Variants in XKR9 observed in about 807,000 individuals in gnomAD.
XKR9 encodes the protein XK-related protein 9.
XKR9 carries 32 observed loss-of-function variants against 32.0 expected under a neutral mutation model. The observed-to-expected ratio is 1.00, with a 90% confidence interval of 0.76 to 1.34. XKR9 has a LOEUF of 1.34. Among genes scored for constraint, XKR9 ranks in the 40% most tolerant of loss-of-function variants. The pLI, the probability that XKR9 is intolerant of heterozygous loss-of-function variation, is 0.00. For synonymous variants in XKR9, 168 were observed against 143.4 expected, an observed-to-expected ratio of 1.17 and a Z score of -1.22; for missense variants, 546 against 429.7, an observed-to-expected ratio of 1.27 and a Z score of -2.39.
At chr8:70,682,466 GTTATAAA>G (rs1295436808) in intron 3 of XKR9, among the ~76,000 whole-genome samples, 1 of 152,146 alleles carries the variant, frequency 6.6e-6, no homozygotes. Flanking sequence ...GGTACATTGT[GTTATAAA>G]TTATAAATTG....
chr8:71,019,764 A>G, the XKR9 span, among the ~76,000 whole-genome samples: 3 of 152,188 alleles, frequency 2.0e-5, no homozygotes, highest in African/African-American at 4.8e-5. Context: ...GATGTTATCC[A>G]TTAAGGTGAA....
chr8:70,893,667 G>A, the XKR9 span, among the ~76,000 whole-genome samples: 2 of 152,272 alleles, frequency 1.3e-5, no homozygotes, highest in South Asian at 4.1e-4. Flanking sequence ...GAAGTTTGTG[G>A]TAACAGTGGC....
the XKR9 span, among the ~76,000 whole-genome samples, chr8:70,916,968 C>G: frequency 6.7e-6 from 1 of 149,950 alleles, no homozygotes; most frequent in African/African-American, 2.5e-5. Context: ...TTTTCTAATT[C>G]TTTACTGTTG....
the XKR9 span, among the ~76,000 whole-genome samples, chr8:71,039,505 A>G: frequency 6.6e-6 from 1 of 152,196 alleles, no homozygotes; most frequent in African/African-American, 2.4e-5. Context: ...TTTCTAATGA[A>G]TATGCATTAC....
intron 3 of XKR9, among the ~76,000 whole-genome samples, chr8:70,700,315 A>G (rs1805472937): frequency 6.6e-6 from 1 of 151,714 alleles, no homozygotes; most frequent in Non-Finnish European, 1.5e-5. Context: ...TTGTGGTTTT[A>G]TCTACTTTTG....
At chr8:70,771,033 C>T (rs1383887156) in intron 2 of XKR9, among the ~76,000 whole-genome samples, 1 of 152,136 alleles carries the variant, frequency 6.6e-6, no homozygotes, top group Non-Finnish European at 1.5e-5. Context: ...AACCCAGGGC[C>T]CTGGTGGTGT....
the XKR9 span, among the ~76,000 whole-genome samples, chr8:71,029,350 C>T: frequency 6.6e-6 from 1 of 152,126 alleles, no homozygotes; most frequent in Non-Finnish European, 1.5e-5. Flanking sequence ...CATTTCAGTG[C>T]ACATTTTATT....
chr8:70,867,240 T>C, the XKR9 span, among the ~76,000 whole-genome samples: 1 of 152,092 alleles, frequency 6.6e-6, no homozygotes, highest in Non-Finnish European at 1.5e-5. Context: ...ATGAGACTTA[T>C]TCACTACCAG....
chr8:70,754,894 A>G (rs1228509885), intron 2 of XKR9, among the ~76,000 whole-genome samples: 1 of 152,188 alleles, frequency 6.6e-6, no homozygotes, highest in East Asian at 1.9e-4. Flanking sequence ...AATGGCAACA[A>G]AAGCCAAAAT....
chr8:70,996,949 A>G, the XKR9 span, among the ~76,000 whole-genome samples: 5 of 152,202 alleles, frequency 3.3e-5, no homozygotes, highest in East Asian at 7.7e-4. Flanking sequence ...GTTCATTACC[A>G]TTAAACCATA....
At chr8:70,672,547 G>A (rs566521772) in intron 1 of XKR9, among the ~76,000 whole-genome samples, 7 of 152,080 alleles carry the variant, frequency 4.6e-5, no homozygotes, top group Admixed American at 2.6e-4. Context: ...TAAACATGCA[G>A]GTGCAGTTGT....
At chr8:70,774,190 A>G (rs541781903) in intron 2 of XKR9, among the ~76,000 whole-genome samples, 35 of 152,308 alleles carry the variant, frequency 2.3e-4, no homozygotes, top group African/African-American at 8.2e-4. Flanking sequence ...TTCTACTTCA[A>G]CCGATACTTT....
At chr8:70,815,863 C>T in the XKR9 span, among the ~76,000 whole-genome samples, 12 of 152,062 alleles carry the variant, frequency 7.9e-5, no homozygotes, top group East Asian at 1.6e-3. Flanking sequence ...GTGGTATATG[C>T]GCACCACATT....
chr8:70,752,847 A>C (rs1017268037), intron 2 of XKR9, among the ~76,000 whole-genome samples: 1 of 152,208 alleles, frequency 6.6e-6, no homozygotes, highest in African/African-American at 2.4e-5. Flanking sequence ...TAACATCACA[A>C]TTAAAAGAAC....
the XKR9 span, among the ~76,000 whole-genome samples, chr8:70,971,886 G>A: frequency 6.6e-6 from 1 of 152,046 alleles, no homozygotes; most frequent in African/African-American, 2.4e-5. Context: ...TTTGAAGTTG[G>A]GTACTGTGAT....
the XKR9 span, among the ~76,000 whole-genome samples, chr8:71,033,741 C>G: frequency 6.6e-6 from 1 of 152,146 alleles, no homozygotes; most frequent in Admixed American, 6.5e-5. Flanking sequence ...TCTCTTTGTA[C>G]ATGTCCATTC....
chr8:70,969,380 TTTC>T, the XKR9 span, among the ~76,000 whole-genome samples: 1 of 152,126 alleles, frequency 6.6e-6, no homozygotes, highest in Admixed American at 6.6e-5. Context: ...TCAAAATGAT[TTTC>T]TTTTTTCAGG....
chr8:70,787,592 G>T (rs935350939), intron 2 of XKR9, among the ~76,000 whole-genome samples: 1 of 152,044 alleles, frequency 6.6e-6, no homozygotes. Flanking sequence ...ATAAACTTAC[G>T]TAACAGTGCT....
At chr8:70,834,853 G>A in the XKR9 span, among the ~76,000 whole-genome samples, 49 of 152,148 alleles carry the variant, frequency 3.2e-4, no homozygotes, top group Middle Eastern at 3.4e-3. Context: ...ACTCATATGC[G>A]ACTTTAAACC....
Sources: allele counts gnomAD v4.1 joint callset (sites outside exome capture counted in the v4.1 genomes callset), GRCh38; gene constraint gnomAD v4.1.1; transcripts MANE v1.5; gene names NCBI Gene and HGNC (gene_info 2026-07-23, HGNC 2026-07-21).